The following CLASP2 variants were observed in gnomAD, a reference collection of about 807,000 sequenced individuals.
CLASP2 encodes the protein CLIP-associating protein 2.
A neutral mutation model predicts 194.4 loss-of-function variants in CLASP2; 47 were observed. The ratio of observed to expected loss-of-function variants is 0.24; its 90% CI spans 0.19 to 0.31. The LOEUF (loss-of-function observed/expected upper bound fraction) is 0.31, where lower values mean the gene tolerates loss of function less well. Ranked by LOEUF, CLASP2 falls within the 10% of genes least tolerant of loss-of-function variation. The pLI is 1.00. For synonymous variants in CLASP2, 619 were observed against 633.5 expected, an observed-to-expected ratio of 0.98 and a Z score of 0.34; for missense variants, 1,445 against 1,823.6, an observed-to-expected ratio of 0.79 and a Z score of 3.78.
chr3:33,678,331 T>C (rs1448940278), intron 6 of CLASP2, among the ~76,000 whole-genome samples: 1 of 151,896 alleles, frequency 6.6e-6, no homozygotes, highest in Non-Finnish European at 1.5e-5. Flanking sequence ...ATATTCAAAC[T>C]ATAGTAAATC....
At position 33,510,733 on chromosome 3, in the gene CLASP2, A is replaced by G. The variant is rs1480783733; in HGVS notation, c.4142T>C (p.Val1381Ala). The change falls in exon 37 of 39, where the codon GTG (valine) becomes GCG (alanine). Residue 1381 changes from valine (V) to alanine (A), a missense_variant. By Grantham distance (64) the Val-to-Ala change is moderately conservative (BLOSUM62 0). Transcript: ENST00000682230. ...VVRSAEEAAS[V>A]LATSISPEQC... is the part of the protein sequence containing the mutation. ...CTCTGGACTAATTGAAGTGGCCAACACTGATGCCGCTTCCTCAGCAGATCT... is the reference window on the plus strand; with the variant it reads ...CTCTGGACTAATTGAAGTGGCCAACGCTGATGCCGCTTCCTCAGCAGATCT... 2 of 1,612,596 alleles carry G rather than the reference A, an allele frequency of 1.2e-6. No homozygotes were observed. The highest frequency in any genetic ancestry group is 3.4e-5 in the Admixed American group (2 of 59,684).
intron 8 of CLASP2, among the ~76,000 whole-genome samples, chr3:33,642,092 TAA>T (rs2081411447): frequency 6.6e-6 from 1 of 151,924 alleles, no homozygotes; most frequent in South Asian, 2.1e-4. Context: ...TAATGCAACA[TAA>T]AAAAGAATTT....
intron 34 of CLASP2, 98 bp downstream of exon 34, chr3:33,535,134 CT>C (rs2057094339): frequency 3.8e-6 from 3 of 787,534 alleles, no homozygotes; most frequent in Non-Finnish European, 4.1e-6. Flanking sequence ...AAAATTGTTA[CT>C]TTTTGGGAGT....
intron 38 of CLASP2, 26 bp downstream of exon 38, chr3:33,501,626 C>G (rs769577048): frequency 2.6e-5 from 36 of 1,396,280 alleles, no homozygotes; most frequent in Non-Finnish European, 3.1e-6. Flanking sequence ...TGGCCACCAT[C>G]TCTAAAACAC....
At chr3:33,684,223 C>T in intron 6 of CLASP2, 136 bp downstream of exon 6, 3 of 448,638 alleles carry the variant, frequency 6.7e-6, no homozygotes, top group Non-Finnish European at 7.6e-6. Context: ...CCAGCCTGGG[C>T]AACAAGAGCA....
At chr3:33,635,487 C>G (rs755122707) in intron 8 of CLASP2, among the ~76,000 whole-genome samples, 1 of 152,064 alleles carries the variant, frequency 6.6e-6, no homozygotes, top group Non-Finnish European at 1.5e-5. Context: ...GGGCTACTTA[C>G]GCTATCAGAC....
At chr3:33,646,208 T>C (rs1274040735) in intron 7 of CLASP2, among the ~76,000 whole-genome samples, 3 of 151,412 alleles carry the variant, frequency 2.0e-5, no homozygotes, top group Non-Finnish European at 4.4e-5. Flanking sequence ...AAAATAACTA[T>C]TTTTAATATA....
At chr3:33,574,610 T>C (rs780476211) in intron 24 of CLASP2, 10 of 598,328 alleles carry the variant, frequency 1.7e-5, no homozygotes, top group Admixed American at 6.5e-5. Flanking sequence ...TTACGTTTTT[T>C]TCACACATAG....
intron 12 of CLASP2, among the ~76,000 whole-genome samples, chr3:33,616,724 A>G (rs1242588555): frequency 6.9e-6 from 1 of 144,786 alleles, no homozygotes; most frequent in Non-Finnish European, 1.5e-5. Context: ...AATAATTCCC[A>G]CTATACTTCC....
At chr3:33,514,645 C>A in intron 36 of CLASP2, 1 of 320,722 alleles carries the variant, frequency 3.1e-6, no homozygotes, top group South Asian at 2.7e-5. Flanking sequence ...AGTAGAACTC[C>A]ATTTGATCCA....
chr3:33,698,740 T>C (rs1170006027), intron 1 of CLASP2, among the ~76,000 whole-genome samples: 4 of 152,182 alleles, frequency 2.6e-5, no homozygotes, highest in South Asian at 2.1e-4. Context: ...ATATGTAAGT[T>C]TAGCAGAAAA....
rs192567262 is a variant in CLASP2, at chr3:33,577,013, A to C, written c.2348-738T>G. Among the ~76,000 whole-genome samples the C allele has an allele frequency of 3.7e-3, 568 of 152,098 alleles. 5 individuals carry two copies. In the Middle Eastern group the frequency reaches 0.055, roughly 15 times the overall value. ...AAATGTCCATATACCAGTGAGAAAA[A>C]TGCTCAATACAGTTGCTAAAGGGGA... On this transcript the variant is annotated intron_variant, in intron 23 of 38. Coordinates refer to ENST00000682230, the MANE Select transcript of CLASP2 (RefSeq NM_001365631.1).
rs367958188 is a variant in CLASP2 at position 33,584,865 on chromosome 3, A to G, written c.2124T>C (p.Thr708=). ...GRVLTTTALS[T]VSSGVQRVLV... is the part of the protein sequence containing the mutation. ...GGACTCTTTGAACACCAGAGCTCACAGTGGACAGGGCTGTTGTGGTCAGAA... is the reference window on the plus strand; with the variant it reads ...GGACTCTTTGAACACCAGAGCTCACGGTGGACAGGGCTGTTGTGGTCAGAA... Residue 708 remains threonine, a synonymous_variant, in exon 22 of 39, where the codon ACT becomes ACC. Transcript: ENST00000682230. 3 of 1,613,824 alleles carry G rather than the reference A, an allele frequency of 1.9e-6. No homozygotes were observed. The highest frequency in any genetic ancestry group is 3.3e-4 in the Middle Eastern group (2 of 6,084).
Position 33,663,495 on chromosome 3 carries a change from T to C in CLASP2, c.665A>G (p.Lys222Arg). The change falls in exon 7 of 39, where the codon AAA becomes AGA. Residue 222 changes from lysine (K) to arginine (R), a missense_variant. Transcript: ENST00000682230. Reference sequence around the variant, plus strand: ...GCCTGAACTTTGCACTTCATCAAATTTGGCAAATATCATTTCTAATCTGGG... The same window carrying C: ...GCCTGAACTTTGCACTTCATCAAATCTGGCAAATATCATTTCTAATCTGGG... Reference protein sequence around the residue: ...PPARLEMIFAKFDEVQSSGGM... With the variant: ...PPARLEMIFARFDEVQSSGGM... 1 of 1,612,156 alleles carries C rather than the reference T, an allele frequency of 6.2e-7. No homozygotes were observed. The highest frequency in any genetic ancestry group is 8.5e-7 in the Non-Finnish European group (1 of 1,178,724).
chr3:33,550,536 A>G (rs1429808754), intron 30 of CLASP2, among the ~76,000 whole-genome samples: 1 of 152,088 alleles, frequency 6.6e-6, no homozygotes, highest in Non-Finnish European at 1.5e-5. Flanking sequence ...AAACAACAGA[A>G]TGTCTAAGAA....
intron 7 of CLASP2, chr3:33,659,533 C>A (rs553834614): frequency 1.0e-4 from 43 of 411,258 alleles, no homozygotes; most frequent in African/African-American, 8.7e-4. Context: ...CAGAAGATTG[C>A]TAGAAGTGCA....
chr3:33,653,099 G>A (rs2083490611), intron 7 of CLASP2, among the ~76,000 whole-genome samples: 1 of 152,132 alleles, frequency 6.6e-6, no homozygotes, highest in Admixed American at 6.5e-5. Context: ...CTAAATGAAA[G>A]GCTGAGGGGG....
At chr3:33,602,476 G>A in intron 18 of CLASP2, 6 of 719,752 alleles carry the variant, frequency 8.3e-6, no homozygotes, top group Non-Finnish European at 1.3e-5. Context: ...TAATTTGATA[G>A]ACATAAAAAC....
chr3:33,517,609 C>G (rs1292021677), intron 34 of CLASP2, among the ~76,000 whole-genome samples: 3 of 152,202 alleles, frequency 2.0e-5, no homozygotes, highest in Non-Finnish European at 1.5e-5. Context: ...AAAACGACCA[C>G]TGGATTTAGG....
Sources: allele counts gnomAD v4.1 joint callset (sites outside exome capture counted in the v4.1 genomes callset), GRCh38; gene constraint gnomAD v4.1.1; transcripts MANE v1.5; gene names NCBI Gene and HGNC (gene_info 2026-07-23, HGNC 2026-07-21).